CNTNAP3: variants seen among roughly 807,000 people sequenced by gnomAD.
The protein encoded by CNTNAP3 is contactin-associated protein-like 3.
A neutral mutation model predicts 92.1 loss-of-function variants in CNTNAP3; 36 were observed. The observed-to-expected ratio is 0.39, with a 90% CI of 0.30 to 0.52. The LOEUF (loss-of-function observed/expected upper bound fraction) is 0.52, where lower values mean the gene tolerates loss of function less well. CNTNAP3 is among the 20% of genes least tolerant of loss of function. The probability of loss-of-function intolerance (pLI) is 0.76; values close to 1 mark genes in which losing one functional copy is unlikely to be tolerated. For synonymous variants in CNTNAP3, 232 were observed against 422.3 expected (o/e 0.55, Z 5.53); for missense variants, 534 against 1,069.6 (o/e 0.50, Z 6.98).
chr9:39,118,934 A>G (rs540187688), intron 13 of CNTNAP3, among the ~76,000 whole-genome samples: 1 of 152,274 alleles, frequency 6.6e-6, no homozygotes, highest in South Asian at 2.1e-4. Context: ...TAAATGATAG[A>G]GTCAGACACT....
chr9:39,081,797 G>C (rs922040551), intron 21 of CNTNAP3, among the ~76,000 whole-genome samples: 1 of 151,598 alleles, frequency 6.6e-6, no homozygotes, highest in Admixed American at 6.6e-5. Context: ...ATTCAAATCA[G>C]GCCAGGCACG....
intron 14 of CNTNAP3, among the ~76,000 whole-genome samples, chr9:39,116,439 T>C (rs560831688): frequency 1.5e-4 from 23 of 152,196 alleles, no homozygotes; most frequent in African/African-American, 5.3e-4. Context: ...TTTGTCTCAT[T>C]AGAGCCCAAA....
chr9:39,115,579 T>C (rs1285517910), intron 14 of CNTNAP3, among the ~76,000 whole-genome samples: 1 of 147,462 alleles, frequency 6.8e-6, no homozygotes, highest in Admixed American at 7.0e-5. Flanking sequence ...GATAGACCTG[T>C]CTACTGGAAG....
rs2990054 is a variant in CNTNAP3, at chr9:39,067,635, A to C, written c.*6255T>G. On this transcript the variant is annotated 3_prime_UTR_variant, in exon 24 of 24. Transcript: ENST00000297668. ...ATGGTCTCCATCTCCCGACCTCGTGATCTGCCTGCCTCGACCTCCCAAAGT... is the reference window on the plus strand; with the variant it reads ...ATGGTCTCCATCTCCCGACCTCGTGCTCTGCCTGCCTCGACCTCCCAAAGT... 6.6e-6 allele frequency among the ~76,000 whole-genome samples: 1 copy of C among 152,214 alleles called. No individual in the cohort carries two copies. Among genetic ancestry groups the C allele is most frequent in the African/African-American group, 2.4e-5 (1 of 41,578 alleles).
chr9:39,085,904 G>A, intron 20 of CNTNAP3, 81 bp from the exon 21 acceptor site: 1 of 1,250,386 alleles, frequency 8.0e-7, no homozygotes, highest in South Asian at 1.2e-5. Flanking sequence ...ATGAGGAAAG[G>A]AAAGATGAAA....
intron 15 of CNTNAP3, among the ~76,000 whole-genome samples, chr9:39,104,495 C>CAT: frequency 6.7e-6 from 1 of 150,080 alleles, no homozygotes; most frequent in Non-Finnish European, 1.5e-5. Flanking sequence ...CACACACACA[C>CAT]ACACACACAC....
At chr9:39,122,232 G>A (rs946556364) in intron 13 of CNTNAP3, among the ~76,000 whole-genome samples, 3 of 152,280 alleles carry the variant, frequency 2.0e-5, no homozygotes, top group East Asian at 1.9e-4. Context: ...GCGGGCGCCT[G>A]TAGTCCCAGC....
At position 39,071,437 on chromosome 9, in the gene CNTNAP3, C is replaced by G. The variant is rs1212712034; in HGVS notation, c.*2453G>C. Among the ~76,000 whole-genome samples the G allele has an allele frequency of 6.6e-6, 1 of 151,760 alleles. No homozygotes were observed. Among genetic ancestry groups the G allele is most frequent in the African/African-American group, 2.4e-5 (1 of 41,266 alleles). ...GATAAGCCTTCAATGTCACATGAAC[C>G]ACTCTATTTTTAATATTAGAATTCT... On this transcript the variant is annotated 3_prime_UTR_variant, in exon 24 of 24. Transcript: ENST00000297668.
intron 18 of CNTNAP3, among the ~76,000 whole-genome samples, chr9:39,091,185 T>C (rs1826190658): frequency 6.6e-6 from 1 of 151,272 alleles, no homozygotes; most frequent in South Asian, 2.1e-4. Context: ...TTTTTTTTTT[T>C]TCATTTTCTT....
chr9:39,148,073 T>C (rs1425929517), intron 10 of CNTNAP3, among the ~76,000 whole-genome samples: 2 of 152,044 alleles, frequency 1.3e-5, no homozygotes, highest in African/African-American at 4.8e-5. Context: ...GCTGAGCAAC[T>C]TGGGATTATA....
chr9:39,110,447 T>C (rs1563881155), intron 14 of CNTNAP3, among the ~76,000 whole-genome samples: 1 of 152,130 alleles, frequency 6.6e-6, no homozygotes, highest in Non-Finnish European at 1.5e-5. Context: ...GCTCACCTTT[T>C]GTCAAACAGA....
At chr9:39,168,474 A>G (rs906868525) in intron 8 of CNTNAP3, among the ~76,000 whole-genome samples, 1 of 79,904 alleles carries the variant, frequency 1.3e-5, no homozygotes, top group African/African-American at 4.8e-5. Context: ...AGCCAGTTTT[A>G]CATTATACAC....
intron 18 of CNTNAP3, among the ~76,000 whole-genome samples, chr9:39,096,259 C>T (rs1826323157): frequency 7.3e-6 from 1 of 137,866 alleles, no homozygotes; most frequent in African/African-American, 2.6e-5. Flanking sequence ...TTTATTAGTG[C>T]TATTTGTTTT....
At chr9:39,077,376 G>A (rs977541471) in intron 23 of CNTNAP3, among the ~76,000 whole-genome samples, 3 of 151,788 alleles carry the variant, frequency 2.0e-5, no homozygotes, top group African/African-American at 7.3e-5. Flanking sequence ...GGCTAACAGG[G>A]TGAAACCCCG....
chr9:39,108,232 A>C (rs934611253), intron 15 of CNTNAP3, among the ~76,000 whole-genome samples: 2 of 151,976 alleles, frequency 1.3e-5, no homozygotes, highest in Non-Finnish European at 2.9e-5. Context: ...GCCCCCAGAC[A>C]AGGGTCCGGG....
intron 12 of CNTNAP3, among the ~76,000 whole-genome samples, chr9:39,138,745 C>T (rs1205112694): frequency 6.6e-6 from 1 of 152,198 alleles, no homozygotes; most frequent in East Asian, 1.9e-4. Context: ...TCCAACAATT[C>T]GTCAATTAAG....
intron 21 of CNTNAP3, chr9:39,085,144 C>T (rs947705274): frequency 6.2e-5 from 9 of 144,758 alleles, no homozygotes. Flanking sequence ...GCTAACTGTG[C>T]TTTTACAACA....
At chr9:39,093,628 T>C (rs141566315) in intron 18 of CNTNAP3, among the ~76,000 whole-genome samples, 3,632 of 151,514 alleles carry the variant, frequency 0.024, 148 homozygotes, top group African/African-American at 0.082. Flanking sequence ...ATATCTGCCC[T>C]CTTGGGTCTG....
intron 18 of CNTNAP3, among the ~76,000 whole-genome samples, chr9:39,094,685 G>A (rs1426443944): frequency 6.6e-6 from 1 of 151,540 alleles, no homozygotes; most frequent in Non-Finnish European, 1.5e-5. Context: ...TGGCCTCTCA[G>A]CTCTATTCCA....
Sources: allele counts gnomAD v4.1 joint callset (sites outside exome capture counted in the v4.1 genomes callset), GRCh38; gene constraint gnomAD v4.1.1; transcripts MANE v1.5; gene names NCBI Gene and HGNC (gene_info 2026-07-23, HGNC 2026-07-21).